CHRNA9: variants seen among roughly 807,000 people sequenced by gnomAD.
The protein encoded by CHRNA9 is neuronal acetylcholine receptor subunit alpha-9.
CHRNA9 carries 24 observed loss-of-function variants against 36.8 expected under a neutral mutation model. The ratio of observed to expected loss-of-function variants is 0.65; its 90% confidence interval spans 0.47 to 0.92. CHRNA9 has a LOEUF of 0.92. Ranked by LOEUF, CHRNA9 falls within the 40% of genes least tolerant of loss-of-function variation. CHRNA9 has a pLI of 0.00. For synonymous variants in CHRNA9, 231 were observed against 231.8 expected (o/e 1.00, Z 0.03); for missense variants, 610 against 601.2 (o/e 1.01, Z -0.15).
chr4:40,340,734 C>T (rs561162693), intron 3 of CHRNA9, among the ~76,000 whole-genome samples: 1 of 152,006 alleles, frequency 6.6e-6, no homozygotes, highest in Non-Finnish European at 1.5e-5. Flanking sequence ...CCATTGGTGC[C>T]CAAATCCATG....
rs376664779 is a variant in CHRNA9, at chr4:40,337,359, T to C, written c.360T>C (p.Tyr120=). 14 of 1,614,104 alleles carry C rather than the reference T, an allele frequency of 8.7e-6. No homozygotes were observed. In the African/African-American group the frequency reaches 1.1e-4, roughly 12 times the overall value. The change falls in exon 3 of 5, where the codon TAT becomes TAC. Residue 120 remains tyrosine, a synonymous_variant. Transcript: ENST00000310169. ...TGTGGAGGCCAGACATCGTCTTATA[T>C]AACAAGTAAGTGCAGCTCAGAACTG... is the stretch of plus-strand genomic sequence containing the variant. ...DLVWRPDIVL[Y]NKADDESSEP...
intron 3 of CHRNA9, among the ~76,000 whole-genome samples, chr4:40,341,474 T>G (rs1166445239): frequency 6.6e-6 from 1 of 152,158 alleles, no homozygotes; most frequent in Admixed American, 6.5e-5. Flanking sequence ...CTTCATTGCA[T>G]GAGGTGTAAC....
At chr4:40,345,806 C>T (rs1033153387) in intron 3 of CHRNA9, among the ~76,000 whole-genome samples, 15 of 152,172 alleles carry the variant, frequency 9.9e-5, no homozygotes, top group Admixed American at 3.9e-4. Flanking sequence ...GGGTGGATCA[C>T]CTGAGGTCAG....
chr4:40,351,181 A>T (rs1230239560), intron 4 of CHRNA9, among the ~76,000 whole-genome samples: 1 of 150,972 alleles, frequency 6.6e-6, no homozygotes, highest in African/African-American at 2.4e-5. Context: ...CTATAAAAAG[A>T]ATTAGCTGGG....
intron 3 of CHRNA9, among the ~76,000 whole-genome samples, chr4:40,344,536 GAA>G (rs11368849): frequency 1.4e-5 from 2 of 138,150 alleles, no homozygotes; most frequent in African/African-American, 5.2e-5. Flanking sequence ...GCCATCTCAA[GAA>G]AAAAAAAAAA....
rs1294902694 is a variant in CHRNA9, at chr4:40,337,266, T to C, written c.267T>C (p.Asp89=). 3.1e-6 allele frequency: 5 copies of C among 1,614,114 alleles called. No homozygotes were observed. Among genetic ancestry groups the C allele is most frequent in the Non-Finnish European group, 4.2e-6 (5 of 1,180,044 alleles). ...TGTGGATCCGCCAAATCTGGCACGA[T>C]GCCTATCTCACGTGGGACCGAGATC... ...AYLWIRQIWH[D]AYLTWDRDQY... The change falls in exon 3 of 5, where the codon GAT becomes GAC. Residue 89 remains aspartate, a synonymous_variant. Transcript: ENST00000310169.
chr4:40,344,054 A>G (rs775545400), intron 3 of CHRNA9, among the ~76,000 whole-genome samples: 20 of 152,172 alleles, frequency 1.3e-4, no homozygotes, highest in Non-Finnish European at 2.6e-4. Flanking sequence ...ACCACAAAGG[A>G]AGCAGAGGTT....
At position 40,337,298 on chromosome 4, in the gene CHRNA9, A is replaced by G; in HGVS notation, c.299A>G (p.Asp100Gly). Residue 100 changes from aspartate to glycine, a missense_variant, in exon 3 of 5, where the codon GAT (aspartate) becomes GGT (glycine). By Grantham distance (94) the Asp-to-Gly change is moderately conservative. Coordinates refer to ENST00000310169, the MANE Select transcript of CHRNA9 (RefSeq NM_017581.4). ...CTCACGTGGGACCGAGATCAGTACGATGGCCTAGACTCCATCAGGATCCCC... is the reference window on the plus strand; with the variant it reads ...CTCACGTGGGACCGAGATCAGTACGGTGGCCTAGACTCCATCAGGATCCCC... Reference protein sequence around the residue: ...AYLTWDRDQYDGLDSIRIPSD... With the variant: ...AYLTWDRDQYGGLDSIRIPSD... The G allele has an allele frequency of 6.2e-7, 1 of 1,614,204 alleles. No homozygotes were observed. The highest frequency in any genetic ancestry group is 8.5e-7 in the Non-Finnish European group (1 of 1,180,026).
intron 3 of CHRNA9, among the ~76,000 whole-genome samples, chr4:40,348,363 A>G (rs998037261): frequency 6.6e-5 from 10 of 152,372 alleles, no homozygotes; most frequent in African/African-American, 2.2e-4. Flanking sequence ...ATATATCTGG[A>G]ATAAGTGACT....
rs762318657 is a variant in CHRNA9, at chr4:40,349,161, C to T, written c.645C>T (p.Ile215=). ...VHGMPAVKNV[I]SYGCCSEPYP... is the part of the protein sequence containing the mutation. ...GCATGCCCGCTGTGAAGAATGTGAT[C>T]TCCTATGGCTGCTGCTCTGAGCCTT... Residue 215 remains isoleucine, a synonymous_variant, in exon 4 of 5, where the codon ATC becomes ATT. Transcript: ENST00000310169. 6.2e-6 allele frequency: 10 copies of T among 1,614,068 alleles called. No homozygotes were observed. The East Asian group carries it at 2.2e-4, about 36-fold the overall frequency.
chr4:40,346,779 A>T (rs1340898336), intron 3 of CHRNA9, among the ~76,000 whole-genome samples: 4 of 152,018 alleles, frequency 2.6e-5, no homozygotes, highest in African/African-American at 9.7e-5. Context: ...TTCTTTAAAA[A>T]ATATATATAG....
chr4:40,354,592 A>G lies in CHRNA9; in HGVS notation c.*72A>G. 1.5e-6 allele frequency: 2 copies of G among 1,295,250 alleles called. No individual in the cohort carries two copies. The highest frequency in any genetic ancestry group is 2.9e-5 in the South Asian group (2 of 69,366). 80.2% of individuals were successfully genotyped at this position (1,295,250 alleles called of 1,614,324 possible). ...CTGTGATCTATTCCAATGTTCTTCC[A>G]AGATTTTTGTTCATCTATAATTTAG... On this transcript the variant is annotated 3_prime_UTR_variant, in exon 5 of 5. Transcript: ENST00000310169.
chr4:40,338,283 A>G (rs1338863545), intron 3 of CHRNA9: 1 of 152,128 alleles, frequency 6.6e-6, no homozygotes, highest in East Asian at 1.9e-4. Context: ...GGTGCATATG[A>G]ATCGCCCAGG....
chr4:40,340,427 C>G (rs1712464750), intron 3 of CHRNA9, among the ~76,000 whole-genome samples: 1 of 152,202 alleles, frequency 6.6e-6, no homozygotes, highest in Non-Finnish European at 1.5e-5. Context: ...ATGACATCTT[C>G]ATGCCTTTAA....
chr4:40,345,409 A>G (rs1712611000), intron 3 of CHRNA9, among the ~76,000 whole-genome samples: 1 of 152,200 alleles, frequency 6.6e-6, no homozygotes, highest in Admixed American at 6.5e-5. Context: ...TATTTTTAAT[A>G]TAATGTATTT....
chr4:40,353,130 C>T (rs1203661288), intron 4 of CHRNA9, among the ~76,000 whole-genome samples: 1 of 152,056 alleles, frequency 6.6e-6, no homozygotes, highest in Non-Finnish European at 1.5e-5. Flanking sequence ...GATTATATGC[C>T]TTGCTGAAGG....
chr4:40,349,588 T>A (rs1712738992), intron 4 of CHRNA9, 174 bp downstream of exon 4: 2 of 610,410 alleles, frequency 3.3e-6, no homozygotes, highest in Non-Finnish European at 5.8e-6. Flanking sequence ...AGATGAGCCT[T>A]TTGCAATCAA....
rs761475834 is a variant in CHRNA9 at position 40,354,354 on chromosome 4, C to T, written c.1274C>T (p.Thr425Met). The T allele has an allele frequency of 3.7e-5, 60 of 1,613,978 alleles. No homozygotes were observed. The highest frequency in any genetic ancestry group is 1.6e-4 in the Middle Eastern group (1 of 6,084). The change falls in exon 5 of 5, where the codon ACG becomes ATG. Residue 425 changes from threonine (T) to methionine (M), a missense_variant. Thr to Met is a moderately conservative substitution (Grantham distance 81). Coordinates refer to ENST00000310169, the MANE Select transcript of CHRNA9 (RefSeq NM_017581.4). ...ESYCAQYKVL[T>M]RNIEYIAKCL... ...TACTGTGCACAGTACAAAGTGCTGA[C>T]GAGGAATATTGAGTACATCGCCAAG...
intron 3 of CHRNA9, among the ~76,000 whole-genome samples, chr4:40,348,561 G>A (rs1712700386): frequency 6.6e-6 from 1 of 152,130 alleles, no homozygotes; most frequent in Non-Finnish European, 1.5e-5. Context: ...GCAGATTTTA[G>A]TATCGACAGG....
Sources: gnomAD v4.1 joint callset for allele counts (sites outside exome capture counted in the v4.1 genomes callset) on GRCh38, gnomAD v4.1.1 for gene constraint, MANE v1.5 for transcripts, NCBI Gene and HGNC (gene_info 2026-07-23, HGNC 2026-07-21) for gene names.